Variants in DOCK5 observed in about 807,000 individuals in gnomAD.
DOCK5 encodes the protein dedicator of cytokinesis 5, also known as dedicator of cytokinesis protein 5.
A neutral mutation model predicts 251.8 loss-of-function variants in DOCK5; 142 were observed. That is an observed-to-expected ratio of 0.56 (90% CI 0.49 to 0.65). The LOEUF (loss-of-function observed/expected upper bound fraction) is 0.65. DOCK5 is among the 30% of genes least tolerant of loss of function. The pLI, the probability that DOCK5 is intolerant of heterozygous loss-of-function variation, is 0.00. For missense variants in DOCK5, 2,111 were observed against 2,312.3 expected (o/e 0.91, Z 1.79); for synonymous variants, 842 against 835.5 (o/e 1.01, Z -0.13).
intron 20 of DOCK5, among the ~76,000 whole-genome samples, chr8:25,333,325 T>G (rs1805727949): frequency 2.0e-5 from 3 of 152,242 alleles, no homozygotes. Flanking sequence ...GAAGGTCAGT[T>G]GCAGCTTTAG....
intron 34 of DOCK5, among the ~76,000 whole-genome samples, chr8:25,371,403 G>A (rs1399880938): frequency 6.6e-6 from 1 of 152,064 alleles, no homozygotes; most frequent in Non-Finnish European, 1.5e-5. Flanking sequence ...GGGAGGCGGA[G>A]ATTGCAGTGA....
At chr8:25,199,243 A>G (rs1188435892) in intron 1 of DOCK5, among the ~76,000 whole-genome samples, 1 of 152,220 alleles carries the variant, frequency 6.6e-6, no homozygotes, top group Admixed American at 6.5e-5. Context: ...GGATTATGTT[A>G]GTAACCTGGA....
intron 12 of DOCK5, 79 bp downstream of exon 12, chr8:25,309,004 C>G: frequency 2.6e-6 from 4 of 1,513,130 alleles, no homozygotes; most frequent in South Asian, 2.6e-5. Flanking sequence ...GACTCCTGCC[C>G]TTTATTATCT....
intron 5 of DOCK5, among the ~76,000 whole-genome samples, chr8:25,286,833 T>C (rs1804347525): frequency 6.6e-6 from 1 of 151,966 alleles, no homozygotes. Flanking sequence ...CTGGCTAATT[T>C]TTTATTTTTT....
intron 17 of DOCK5, among the ~76,000 whole-genome samples, chr8:25,324,717 A>G (rs962008725): frequency 2.6e-5 from 4 of 152,120 alleles, no homozygotes; most frequent in Non-Finnish European, 5.9e-5. Context: ...AGATGTATAC[A>G]TGTGCCATGT....
At chr8:25,260,921 T>C (rs1330922353) in intron 2 of DOCK5, among the ~76,000 whole-genome samples, 4 of 151,968 alleles carry the variant, frequency 2.6e-5, no homozygotes, top group Non-Finnish European at 4.4e-5. Flanking sequence ...TTGGCTTCCC[T>C]AGTAGCTAGG....
chr8:25,339,660 G>A (rs1206018205), intron 22 of DOCK5, among the ~76,000 whole-genome samples: 2 of 152,132 alleles, frequency 1.3e-5, no homozygotes, highest in East Asian at 3.9e-4. Flanking sequence ...GGACCTATAG[G>A]GCACCAAATG....
At chr8:25,371,488 A>T (rs1212247422) in intron 34 of DOCK5, among the ~76,000 whole-genome samples, 1 of 152,228 alleles carries the variant, frequency 6.6e-6, no homozygotes, top group African/African-American at 2.4e-5. Flanking sequence ...AATAAAAAAA[A>T]TAATTGAATT....
chr8:25,371,833 C>T (rs753885443), intron 34 of DOCK5, among the ~76,000 whole-genome samples: 1 of 152,162 alleles, frequency 6.6e-6, no homozygotes, highest in African/African-American at 2.4e-5. Flanking sequence ...CCAAGAATAA[C>T]CCTAAATCTG....
chr8:25,394,939 A>G (rs1238299371), intron 44 of DOCK5, among the ~76,000 whole-genome samples: 1 of 146,800 alleles, frequency 6.8e-6, no homozygotes, highest in Non-Finnish European at 1.5e-5. Flanking sequence ...TGGGGTGGGA[A>G]GGTGGGGGGT....
At chr8:25,315,770 G>A (rs1331425829) in intron 13 of DOCK5, among the ~76,000 whole-genome samples, 4 of 152,188 alleles carry the variant, frequency 2.6e-5, no homozygotes, top group Admixed American at 6.5e-5. Context: ...AGTGTGTCAA[G>A]TAAGATTTCA....
In DOCK5 at chr8:25,381,190, GGAGTTA is replaced by G. The variant is rs1015312019; in HGVS notation, c.4026+799_4026+804del. ...ATTAAATTTAATAATTTCTAGTAGA[GGAGTTA>G]GAAAAGATCAGGTCACCCATAGTCA... On this transcript the variant is annotated intron_variant, in intron 39 of 51. Transcript: ENST00000276440. Among the ~76,000 whole-genome samples, 97 of 152,308 alleles carry G rather than the reference GGAGTTA, an allele frequency of 6.4e-4. 1 individual carries two copies. The highest frequency in any genetic ancestry group is 1.2e-3 in the Admixed American group (19 of 15,302).
intron 30 of DOCK5, among the ~76,000 whole-genome samples, chr8:25,365,026 A>G (rs939145153): frequency 1.1e-4 from 16 of 152,250 alleles, no homozygotes; most frequent in South Asian, 6.2e-4. Context: ...ACAAATGCAC[A>G]TAGACACACA....
In DOCK5 at chr8:25,364,711, A is replaced by G; in HGVS notation, c.3123+7A>G. ...GGCAAGCTTTGAACTTCAGGTAGGCATGTGACTCACCTACCTGCTTCTAGA... is the reference window on the plus strand; with the variant it reads ...GGCAAGCTTTGAACTTCAGGTAGGCGTGTGACTCACCTACCTGCTTCTAGA... On this transcript the variant is annotated splice_region_variant and intron_variant, in intron 30 of 51. Coordinates refer to ENST00000276440, the MANE Select transcript of DOCK5 (RefSeq NM_024940.8). 1.9e-6 allele frequency: 3 copies of G among 1,578,884 alleles called. No homozygotes were observed. Among genetic ancestry groups the G allele is most frequent in the Non-Finnish European group, 2.6e-6 (3 of 1,158,068 alleles).
rs1334932273 is a variant in DOCK5 at position 25,372,552 on chromosome 8, C to T, written c.3525-7C>T. ...CTGGGCTTTTGTCTCTCCCTCCGCC[C>T]CTCCAGGCTCCTAGAACATTGCCGG... On this transcript the variant is annotated splice_polypyrimidine_tract_variant and splice_region_variant and intron_variant, in intron 34 of 51. Transcript: ENST00000276440. The T allele has an allele frequency of 1.9e-6, 3 of 1,564,794 alleles. No homozygotes were observed. Among genetic ancestry groups the T allele is most frequent in the East Asian group, 2.3e-5 (1 of 43,002 alleles).
intron 17 of DOCK5, among the ~76,000 whole-genome samples, chr8:25,324,813 C>T (rs7838521): frequency 0.012 from 1,666 of 143,926 alleles, 27 homozygotes; most frequent in African/African-American, 0.041. Flanking sequence ...CCCGCCACAA[C>T]AGGCCCTGGT....
intron 48 of DOCK5, 83 bp from the exon 49 acceptor site, chr8:25,407,900 C>A: frequency 1.6e-6 from 2 of 1,257,774 alleles, no homozygotes; most frequent in South Asian, 1.6e-5. Context: ...CCTAAAGAGT[C>A]ATAACTGCTG....
intron 25 of DOCK5, 33 bp from the exon 26 acceptor site, chr8:25,345,442 C>A: frequency 6.2e-7 from 1 of 1,610,618 alleles, no homozygotes; most frequent in Non-Finnish European, 8.5e-7. Flanking sequence ...GGTGGCACTG[C>A]TGTGTGTGAG....
Position 25,414,422 on chromosome 8 carries a change from T to C in DOCK5, c.*3124T>C, listed in dbSNP as rs999741104. The C allele has an allele frequency of 2.0e-5, 3 of 152,228 alleles. No individual in the cohort carries two copies. Among genetic ancestry groups the C allele is most frequent in the Admixed American group, 2.0e-4 (3 of 15,282 alleles). 9.4% of individuals were successfully genotyped at this position (152,228 alleles called of 1,614,324 possible). Reference sequence around the variant, plus strand: ...TCTGATTCCAGAATTGCAGTCATTTTCTTCTGCCAAGGAAATCCATTAAAA... The same window carrying C: ...TCTGATTCCAGAATTGCAGTCATTTCCTTCTGCCAAGGAAATCCATTAAAA... On this transcript the variant is annotated 3_prime_UTR_variant, in exon 52 of 52. Transcript: ENST00000276440.
Sources: gnomAD v4.1 joint callset for allele counts (sites outside exome capture counted in the v4.1 genomes callset) on GRCh38, gnomAD v4.1.1 for gene constraint, MANE v1.5 for transcripts, NCBI Gene and HGNC (gene_info 2026-07-23, HGNC 2026-07-21) for gene names.